The following SUPT5H variants were observed in gnomAD, a reference collection of about 807,000 sequenced individuals.
SUPT5H encodes the protein transcription elongation factor SPT5.
Under a neutral mutation model 142.5 loss-of-function variants are expected in SUPT5H, and 24 were observed. The ratio of observed to expected loss-of-function variants is 0.17; its 90% CI spans 0.12 to 0.24. The LOEUF (loss-of-function observed/expected upper bound fraction) is 0.24. Ranked by LOEUF, SUPT5H falls within the 10% of genes least tolerant of loss-of-function variation. SUPT5H has a pLI of 1.00. For synonymous variants in SUPT5H, 546 were observed against 553.0 expected, an observed-to-expected ratio of 0.99 and a Z score of 0.18; for missense variants, 893 against 1,471.8, an observed-to-expected ratio of 0.61 and a Z score of 6.43.
Position 39,473,811 on chromosome 19 carries a change from C to A in SUPT5H, c.2493-152C>A. 1 of 1,128,406 alleles carries A rather than the reference C, an allele frequency of 8.9e-7. No individual in the cohort carries two copies. Among genetic ancestry groups the A allele is most frequent in the Non-Finnish European group, 1.3e-6 (1 of 768,112 alleles). The allele number at this position is 1,128,406 out of a possible 1,614,324, so 69.9% of individuals were successfully genotyped here. Reference sequence around the variant, plus strand: ...TCATCTCTGTCAACCACAGTGTCAGCTGTGGAAGGGAAATAACATCAGGAG... The same window carrying A: ...TCATCTCTGTCAACCACAGTGTCAGATGTGGAAGGGAAATAACATCAGGAG... On this transcript the variant is annotated intron_variant, in intron 25 of 29. Transcript: ENST00000432763. The surrounding 1 kb of genome is among the most constrained non-coding windows in gnomAD (Gnocchi z 5.8).
chr19:39,452,840 G>A (rs1162739436), intron 2 of SUPT5H, among the ~76,000 whole-genome samples: 1 of 151,862 alleles, frequency 6.6e-6, no homozygotes, highest in Non-Finnish European at 1.5e-5. Context: ...GTGAAGCCAC[G>A]TGTCTACTAA....
Position 39,469,904 on chromosome 19 carries a change from G to T in SUPT5H, c.1375-215G>T. 1.7e-6 allele frequency: 1 copy of T among 592,864 alleles called. No individual in the cohort carries two copies. The highest frequency in any genetic ancestry group is 2.9e-6 in the Non-Finnish European group (1 of 343,090). 36.7% of individuals were successfully genotyped at this position (592,864 alleles called of 1,614,324 possible). A position where few individuals can be genotyped will look rare whatever the true frequency, so the allele number is the denominator to read the frequency against. ...TCGTGTGTCTTGAGGGCGGGCTGGG[G>T]TAAAGGTTGTCCAGGTTGGTGTCCT... On this transcript the variant is annotated intron_variant, in intron 16 of 29. Transcript: ENST00000432763. This position sits in a 1 kb window ranked among gnomAD's most constrained non-coding sequence, Gnocchi z 5.1.
Position 39,465,034 on chromosome 19 carries a change from G to A in SUPT5H, c.861G>A (p.Lys287=). The A allele has an allele frequency of 6.2e-7, 1 of 1,613,740 alleles. No individual in the cohort carries two copies. The highest frequency in any genetic ancestry group is 8.5e-7 in the Non-Finnish European group (1 of 1,179,652). Residue 287 remains lysine (K), a synonymous_variant, in exon 11 of 30, where the codon AAG becomes AAA. Coordinates refer to ENST00000432763, the MANE Select transcript of SUPT5H (RefSeq NM_001111020.3). Reference sequence around the variant, plus strand: ...TCCGCCTCAAGCGGGGCATCTACAAGGATGACATTGCTCAGGTGCCCGGGG... The same window carrying A: ...TCCGCCTCAAGCGGGGCATCTACAAAGATGACATTGCTCAGGTGCCCGGGG... The part of the protein sequence containing the change: ...SWVRLKRGIY[K]DDIAQVDYVE...
intron 2 of SUPT5H, among the ~76,000 whole-genome samples, chr19:39,448,096 C>T (rs999113902): frequency 6.6e-6 from 1 of 152,218 alleles, no homozygotes; most frequent in Non-Finnish European, 1.5e-5. Flanking sequence ...TGGGAATTTT[C>T]TCCAGTTCCC....
At chr19:39,471,798 C>A in intron 20 of SUPT5H, 68 bp downstream of exon 20, 2 of 1,548,610 alleles carry the variant, frequency 1.3e-6, no homozygotes, top group Non-Finnish European at 8.7e-7. Context: ...TCCTCTGGCC[C>A]CAGAAGTGAT....
Position 39,476,074 on chromosome 19 carries a change from C to T in SUPT5H, c.3025-7C>T. 1 of 1,613,836 alleles carries T rather than the reference C, an allele frequency of 6.2e-7. No individual in the cohort carries two copies. The highest frequency in any genetic ancestry group is 8.5e-7 in the Non-Finnish European group (1 of 1,179,828). ...GACAGGCTGACCAGGCTGTCCCCAT[C>T]CTCCAGGGGGGCATGTGCTCTGTGT... On this transcript the variant is annotated splice_region_variant and splice_polypyrimidine_tract_variant and intron_variant, in intron 28 of 29. Transcript: ENST00000432763.
chr19:39,463,060 G>A lies in SUPT5H; in HGVS notation c.625-1738G>A, dbSNP rs189476115. On this transcript the variant is annotated intron_variant, in intron 10 of 29. Coordinates refer to ENST00000432763, the MANE Select transcript of SUPT5H (RefSeq NM_001111020.3). ...TTTAGTAGAGATGGGGTTTCACCAT[G>A]TTGGCCAGGCTGACCTTGAACTCCT... 6.1e-4 allele frequency among the ~76,000 whole-genome samples: 75 copies of A among 123,056 alleles called. 1 individual carries two copies. The highest frequency in any genetic ancestry group is 2.2e-3 in the African/African-American group (71 of 31,628). The allele number at this position is 123,056 out of a possible 152,430, so 80.7% of individuals were successfully genotyped here.
intron 2 of SUPT5H, among the ~76,000 whole-genome samples, chr19:39,451,977 G>A (rs1284873353): frequency 6.6e-6 from 1 of 152,168 alleles, no homozygotes; most frequent in African/African-American, 2.4e-5. Context: ...ATGGAAAGAG[G>A]GATTAGAGGC....
At position 39,458,237 on chromosome 19, in the gene SUPT5H, A is replaced by AC; in HGVS notation, c.308-55dup. 4 of 386,686 alleles carry AC rather than the reference A, an allele frequency of 1.0e-5. No individual in the cohort carries two copies. The highest frequency in any genetic ancestry group is 1.5e-5 in the Non-Finnish European group (4 of 274,610). 24.0% of individuals were successfully genotyped at this position (386,686 alleles called of 1,614,324 possible). The stretch of plus-strand genomic sequence containing the variant: ...CATACTTTGTCTGCCCTCGCCCACC[A>AC]CCACCACCACCACCACCACCACCAC... On this transcript the variant is annotated intron_variant, in intron 4 of 29. Coordinates refer to ENST00000432763, the MANE Select transcript of SUPT5H (RefSeq NM_001111020.3). The surrounding 1 kb of genome is among the most constrained non-coding windows in gnomAD (Gnocchi z 4.2).
chr19:39,474,897 G>T lies in SUPT5H; in HGVS notation c.3024+179G>T, dbSNP rs2079380830. On this transcript the variant is annotated intron_variant, in intron 28 of 29. Coordinates refer to ENST00000432763, the MANE Select transcript of SUPT5H (RefSeq NM_001111020.3). The surrounding 1 kb of genome is among the most constrained non-coding windows in gnomAD (Gnocchi z 6.5). Reference sequence around the variant, plus strand: ...GGAGGCATCTTACCTGATTTAGCGGGGAATCAGGGAGGGCTGCCTGGGGAA... The same window carrying T: ...GGAGGCATCTTACCTGATTTAGCGGTGAATCAGGGAGGGCTGCCTGGGGAA... 3 of 683,880 alleles carry T rather than the reference G, an allele frequency of 4.4e-6. No homozygotes were observed. The East Asian group carries it at 8.2e-5, about 19-fold the overall frequency. 42.4% of individuals were successfully genotyped at this position (683,880 alleles called of 1,614,324 possible).
At position 39,445,644 on chromosome 19, in the gene SUPT5H, G is replaced by A. The variant is rs749100331; in HGVS notation, c.-88+7G>A. ...CGGAGGTGGAGCCCGAGAGGTAAGT[G>A]CGTGTGCAGAGGTGGCAGTTCCGGG... On this transcript the variant is annotated splice_region_variant and intron_variant, in intron 1 of 29. Transcript: ENST00000432763. 2.2e-5 allele frequency: 12 copies of A among 540,544 alleles called. No homozygotes were observed. The highest frequency in any genetic ancestry group is 3.7e-5 in the Non-Finnish European group (11 of 298,896). The allele number at this position is 540,544 out of a possible 1,614,324, so 33.5% of individuals were successfully genotyped here.
In SUPT5H at chr19:39,476,069, C is replaced by T. The variant is rs1476016858; in HGVS notation, c.3025-12C>T. The T allele has an allele frequency of 6.2e-7, 1 of 1,613,432 alleles. No individual in the cohort carries two copies. Among genetic ancestry groups the T allele is most frequent in the Non-Finnish European group, 8.5e-7 (1 of 1,179,546 alleles). ...AGCAGGACAGGCTGACCAGGCTGTC[C>T]CCATCCTCCAGGGGGGCATGTGCTC... On this transcript the variant is annotated splice_polypyrimidine_tract_variant and intron_variant, in intron 28 of 29. Coordinates refer to ENST00000432763, the MANE Select transcript of SUPT5H (RefSeq NM_001111020.3).
In SUPT5H at chr19:39,470,509, C is replaced by T. The variant is rs1461315800; in HGVS notation, c.1663C>T (p.Arg555Trp). Reference protein sequence around the residue: ...QTVGVIVRLERETFQVLNMYG... With the variant: ...QTVGVIVRLEWETFQVLNMYG... ...TGTGGGTGTCATCGTGCGACTAGAA[C>T]GGGAGACCTTCCAGGTGTGTGTGTT... The change falls in exon 18 of 30, where the codon CGG (arginine) becomes TGG (tryptophan). Residue 555 changes from arginine to tryptophan, a missense_variant. By Grantham distance (101) the Arg-to-Trp change is moderately radical (BLOSUM62 -3). This residue lies in a region of SUPT5H where 428 missense variants were observed against 763.5 expected (regional missense o/e 0.56). Coordinates refer to ENST00000432763, the MANE Select transcript of SUPT5H (RefSeq NM_001111020.3). This position sits in a 1 kb window ranked among gnomAD's most constrained non-coding sequence, Gnocchi z 5.8. 6.4e-7 allele frequency: 1 copy of T among 1,570,508 alleles called. No individual in the cohort carries two copies. Among genetic ancestry groups the T allele is most frequent in the Non-Finnish European group, 8.6e-7 (1 of 1,157,134 alleles).
chr19:39,461,821 C>CA (rs747295729), intron 10 of SUPT5H, among the ~76,000 whole-genome samples: 14,440 of 127,940 alleles, frequency 0.11, 942 homozygotes, highest in Middle Eastern at 0.2. Flanking sequence ...GAGACTGTCT[C>CA]AAAAAAAAAA....
Position 39,470,653 on chromosome 19 carries a change from T to G in SUPT5H, c.1677+130T>G, listed in dbSNP as rs2079306697. On this transcript the variant is annotated intron_variant, in intron 18 of 29. Coordinates refer to ENST00000432763, the MANE Select transcript of SUPT5H (RefSeq NM_001111020.3). This position sits in a 1 kb window ranked among gnomAD's most constrained non-coding sequence, Gnocchi z 5.8. ...CAGATCTGGCTCTGTCACTTACATCTGAATGGCTGATAGTGGGCACATGGC... is the reference window on the plus strand; with the variant it reads ...CAGATCTGGCTCTGTCACTTACATCGGAATGGCTGATAGTGGGCACATGGC... The G allele has an allele frequency of 2.8e-6, 3 of 1,065,874 alleles. No homozygotes were observed. In the South Asian group the frequency reaches 6.1e-5, roughly 22 times the overall value. 66.0% of individuals were successfully genotyped at this position (1,065,874 alleles called of 1,614,324 possible).
rs144419174 is a variant in SUPT5H at position 39,460,102 on chromosome 19, A to C, written c.624+142A>C. The C allele has an allele frequency of 1.9e-4, 151 of 781,110 alleles. No homozygotes were observed. In the African/African-American group the frequency reaches 2.3e-3, roughly 12 times the overall value. The allele number at this position is 781,110 out of a possible 1,614,324, so 48.4% of individuals were successfully genotyped here. A position where few individuals can be genotyped will look rare whatever the true frequency, so the allele number is the denominator to read the frequency against. ...GAGCTGCTTGAGCTGGAATAAGACC[A>C]CTGCCTAGATGGAAGGGCTCTTCTC... On this transcript the variant is annotated intron_variant, in intron 10 of 29. Transcript: ENST00000432763.
In SUPT5H at chr19:39,470,766, C is replaced by T. The variant is rs1261740338; in HGVS notation, c.1677+243C>T. 6.6e-6 allele frequency among the ~76,000 whole-genome samples: 1 copy of T among 152,078 alleles called. No individual in the cohort carries two copies. The highest frequency in any genetic ancestry group is 1.5e-5 in the Non-Finnish European group (1 of 68,018). ...CTACTTTGTTCATAGTGAATGATTCCCTGAGGTTAGATCTGTACCCTGGTG... is the reference window on the plus strand; with the variant it reads ...CTACTTTGTTCATAGTGAATGATTCTCTGAGGTTAGATCTGTACCCTGGTG... On this transcript the variant is annotated intron_variant, in intron 18 of 29. Coordinates refer to ENST00000432763, the MANE Select transcript of SUPT5H (RefSeq NM_001111020.3). This position sits in a 1 kb window ranked among gnomAD's most constrained non-coding sequence, Gnocchi z 5.8.
intron 20 of SUPT5H, 181 bp downstream of exon 20, chr19:39,471,911 T>G: frequency 2.2e-6 from 2 of 909,190 alleles, no homozygotes; most frequent in Non-Finnish European, 3.2e-6. Flanking sequence ...CCAAGTTATT[T>G]TAAGTTATTT....
chr19:39,445,777 G>A (rs2078944708), intron 1 of SUPT5H, 27 bp from the exon 2 acceptor site: 3 of 1,269,408 alleles, frequency 2.4e-6, no homozygotes, highest in African/African-American at 2.9e-5. Context: ...CCTGCCGGAA[G>A]CGCCCTAAGG....
Sources: gnomAD v4.1 joint callset for allele counts (sites outside exome capture counted in the v4.1 genomes callset) on GRCh38, gnomAD v4.1.1 for gene constraint, gnomAD v4.1.1 regional missense constraint, Gnocchi (gnomAD v3.1) non-coding constraint, MANE v1.5 for transcripts, NCBI Gene and HGNC (gene_info 2026-07-23, HGNC 2026-07-21) for gene names.